The following GRID1 variants were observed in gnomAD, a reference collection of about 807,000 sequenced individuals.
The protein encoded by GRID1 is glutamate ionotropic receptor delta type subunit 1, also known as glutamate receptor ionotropic, delta-1.
A neutral mutation model predicts 98.0 loss-of-function variants in GRID1; 28 were observed. The observed-to-expected ratio is 0.29, with a 90% CI of 0.21 to 0.39. GRID1 has a LOEUF of 0.39. Among genes scored for constraint, GRID1 ranks in the 10% least tolerant of loss-of-function variants. The pLI is 1.00. For missense variants in GRID1, 1,111 were observed against 1,340.5 expected (o/e 0.83, Z 2.67); for synonymous variants, 553 against 538.5 (o/e 1.03, Z -0.37).
intron 4 of GRID1, among the ~76,000 whole-genome samples, chr10:86,122,386 T>A (rs1844689500): frequency 6.6e-6 from 1 of 152,214 alleles, no homozygotes; most frequent in East Asian, 1.9e-4. Flanking sequence ...CCCTGCACAT[T>A]CACTTAGAGC....
intron 2 of GRID1, among the ~76,000 whole-genome samples, chr10:86,261,042 T>C (rs956758346): frequency 2.0e-5 from 3 of 152,202 alleles, no homozygotes; most frequent in African/African-American, 7.2e-5. Flanking sequence ...CGGAGAAGCC[T>C]CTGTGCCCAC....
chr10:86,032,273 C>A (rs1002770753), intron 4 of GRID1, among the ~76,000 whole-genome samples: 11 of 152,034 alleles, frequency 7.2e-5, no homozygotes, highest in Non-Finnish European at 7.4e-5. Context: ...CCGGCCACCC[C>A]GTCTGGGAGG....
chr10:85,997,045 G>A (rs1482433120), intron 4 of GRID1, among the ~76,000 whole-genome samples: 2 of 152,048 alleles, frequency 1.3e-5, no homozygotes, highest in Non-Finnish European at 2.9e-5. Flanking sequence ...AAATAATAAA[G>A]TCTATATACA....
At chr10:86,166,330 A>C (rs1049734582) in intron 3 of GRID1, among the ~76,000 whole-genome samples, 2 of 152,240 alleles carry the variant, frequency 1.3e-5, no homozygotes, top group African/African-American at 4.8e-5. Context: ...CAGAATCTAC[A>C]AAGAACTTGA....
intron 12 of GRID1, among the ~76,000 whole-genome samples, chr10:85,664,632 G>A (rs1840999880): frequency 6.6e-6 from 1 of 152,164 alleles, no homozygotes; most frequent in Non-Finnish European, 1.5e-5. Flanking sequence ...GAAGCCACAG[G>A]CATGGGTACC....
intron 5 of GRID1, among the ~76,000 whole-genome samples, chr10:85,910,508 C>A (rs7092119): frequency 0.022 from 3,315 of 152,254 alleles, 125 homozygotes; most frequent in African/African-American, 0.076. Context: ...AAGGACTGAT[C>A]CCTAAGGATC....
At chr10:85,673,926 T>A (rs1245688363) in intron 12 of GRID1, among the ~76,000 whole-genome samples, 1 of 152,082 alleles carries the variant, frequency 6.6e-6, no homozygotes, top group Non-Finnish European at 1.5e-5. Context: ...CAGGTTTAGA[T>A]GGGACCAGTT....
At chr10:85,731,511 A>T (rs1437791322) in intron 8 of GRID1, among the ~76,000 whole-genome samples, 1 of 151,646 alleles carries the variant, frequency 6.6e-6, no homozygotes, top group Non-Finnish European at 1.5e-5. Context: ...ATTGGACCTT[A>T]AAAAATAGGC....
At chr10:85,711,665 T>A (rs963483871) in intron 12 of GRID1, among the ~76,000 whole-genome samples, 1 of 151,858 alleles carries the variant, frequency 6.6e-6, no homozygotes, top group African/African-American at 2.4e-5. Context: ...TAAATCAGAA[T>A]AAACACATAA....
intron 3 of GRID1, among the ~76,000 whole-genome samples, chr10:86,201,032 G>C (rs1261306734): frequency 1.3e-5 from 2 of 152,156 alleles, no homozygotes; most frequent in Admixed American, 6.5e-5. Context: ...AGTGAAATGT[G>C]CACTGACCCA....
At position 86,094,415 on chromosome 10, in the gene GRID1, T is replaced by C. The variant is rs1589369022; in HGVS notation, c.726+44404A>G. Reference sequence around the variant, plus strand: ...CAAGAGGAAGTCAAACTGTCACTGTTTGCTGACAATATGATCATTTACCTT... The same window carrying C: ...CAAGAGGAAGTCAAACTGTCACTGTCTGCTGACAATATGATCATTTACCTT... On this transcript the variant is annotated intron_variant, in intron 4 of 15. Coordinates refer to ENST00000327946, the MANE Select transcript of GRID1 (RefSeq NM_017551.3). 2.0e-5 allele frequency among the ~76,000 whole-genome samples: 3 copies of C among 152,312 alleles called. No homozygotes were observed. In the South Asian group the frequency reaches 6.2e-4, roughly 32 times the overall value.
chr10:86,227,454 G>A (rs139001625), intron 2 of GRID1, among the ~76,000 whole-genome samples: 3 of 152,210 alleles, frequency 2.0e-5, no homozygotes, highest in African/African-American at 2.4e-5. Context: ...TTGCCTCTTG[G>A]GCTAACTGCT....
intron 4 of GRID1, among the ~76,000 whole-genome samples, chr10:86,135,916 A>G (rs1263893807): frequency 1.3e-5 from 2 of 152,176 alleles, no homozygotes; most frequent in Non-Finnish European, 2.9e-5. Context: ...ACAACTAGGA[A>G]AGCCCCATAG....
chr10:85,907,427 G>C (rs1841478032), intron 5 of GRID1, among the ~76,000 whole-genome samples: 1 of 152,090 alleles, frequency 6.6e-6, no homozygotes, highest in Non-Finnish European at 1.5e-5. Flanking sequence ...CTATAAATTT[G>C]ACAACTTAGA....
chr10:85,654,968 A>G (rs1479287144), intron 12 of GRID1, among the ~76,000 whole-genome samples: 2 of 152,216 alleles, frequency 1.3e-5, no homozygotes, highest in East Asian at 3.9e-4. Context: ...CATCCTGATG[A>G]GGTCAAATAA....
rs773462782 is a variant in GRID1 at position 85,602,446 on chromosome 10, G to A, written c.2857C>T (p.Leu953=). Reference sequence around the variant, plus strand: ...ATGGTCGCCGAGCTGCTCAGCGGCAGCGGCAGGTTGCTGCTGGGCCCTGAT... The same window carrying A: ...ATGGTCGCCGAGCTGCTCAGCGGCAACGGCAGGTTGCTGCTGGGCCCTGAT... The part of the protein sequence containing the change: ...LSSGPSSNLP[L]PLSSSATMPS... Residue 953 remains leucine (L), a synonymous_variant, in exon 16 of 16, where the codon CTG becomes TTG. Transcript: ENST00000327946. 2 of 1,614,068 alleles carry A rather than the reference G, an allele frequency of 1.2e-6. No homozygotes were observed. The highest frequency in any genetic ancestry group is 2.2e-5 in the East Asian group (1 of 44,882).
intron 5 of GRID1, among the ~76,000 whole-genome samples, chr10:85,875,616 C>T (rs946374132): frequency 2.0e-5 from 3 of 151,966 alleles, no homozygotes; most frequent in South Asian, 4.2e-4. Context: ...TTTACCTACC[C>T]TTGGCAGTTA....
chr10:86,140,247 T>C (rs1191507510), intron 3 of GRID1, among the ~76,000 whole-genome samples: 1 of 152,204 alleles, frequency 6.6e-6, no homozygotes, highest in Non-Finnish European at 1.5e-5. Flanking sequence ...CTCCAAAGGA[T>C]ACTCTAGGTC....
intron 12 of GRID1, among the ~76,000 whole-genome samples, chr10:85,719,423 G>T (rs1841675294): frequency 6.6e-6 from 1 of 152,026 alleles, no homozygotes; most frequent in Admixed American, 6.5e-5. Context: ...ACCCAAAACT[G>T]GGAACAAAAA....
Sources: allele counts gnomAD v4.1 joint callset (sites outside exome capture counted in the v4.1 genomes callset), GRCh38; gene constraint gnomAD v4.1.1; transcripts MANE v1.5; gene names NCBI Gene and HGNC (gene_info 2026-07-23, HGNC 2026-07-21).